The following PGGT1B variants were observed in gnomAD, a reference collection of about 807,000 sequenced individuals.
The protein encoded by PGGT1B is geranylgeranyl transferase type-1 subunit beta.
A neutral mutation model predicts 46.1 loss-of-function variants in PGGT1B; 30 were observed. That is an observed-to-expected ratio of 0.65 (90% CI 0.49 to 0.88). The LOEUF (loss-of-function observed/expected upper bound fraction) is 0.88, where lower values mean the gene tolerates loss of function less well. Among genes scored for constraint, PGGT1B ranks in the 40% least tolerant of loss-of-function variants. The pLI is 0.00. For missense variants in PGGT1B, 376 were observed against 455.9 expected, an observed-to-expected ratio of 0.82 and a Z score of 1.60; for synonymous variants, 170 against 160.0, an observed-to-expected ratio of 1.06 and a Z score of -0.47.
chr5:115,219,462 G>T (rs1048969339), intron 7 of PGGT1B, among the ~76,000 whole-genome samples: 12 of 151,716 alleles, frequency 7.9e-5, no homozygotes, highest in African/African-American at 2.9e-4. Flanking sequence ...ATTGATGAAA[G>T]GCCCAACATT....
At chr5:115,232,557 T>C (rs1360456366) in intron 5 of PGGT1B, among the ~76,000 whole-genome samples, 1 of 152,110 alleles carries the variant, frequency 6.6e-6, no homozygotes, top group Non-Finnish European at 1.5e-5. Flanking sequence ...TAGTATACTA[T>C]ATACTGATTT....
rs1435329166 is a variant in PGGT1B, at chr5:115,211,446, TATTTA to T, written c.*951_*955del. The T allele has an allele frequency of 6.6e-6, 1 of 151,994 alleles. No homozygotes were observed. Among genetic ancestry groups the T allele is most frequent in the East Asian group, 1.9e-4 (1 of 5,202 alleles). 9.4% of individuals were successfully genotyped at this position (151,994 alleles called of 1,614,324 possible). A position where few individuals can be genotyped will look rare whatever the true frequency, so the allele number is the denominator to read the frequency against. On this transcript the variant is annotated 3_prime_UTR_variant, in exon 9 of 9. Coordinates refer to ENST00000419445, the MANE Select transcript of PGGT1B (RefSeq NM_005023.4). Reference sequence around the variant, plus strand: ...TGGTTCTGTTTTTGTATTTTTTACTTATTTAATTTGAAAAAAATTAGAAAAGTATT... The same window carrying T: ...TGGTTCTGTTTTTGTATTTTTTACTTATTTGAAAAAAATTAGAAAAGTATT...
chr5:115,235,569 G>C (rs755996926), intron 5 of PGGT1B, among the ~76,000 whole-genome samples: 1 of 152,046 alleles, frequency 6.6e-6, no homozygotes, highest in Non-Finnish European at 1.5e-5. Flanking sequence ...TCCAAATACA[G>C]TGCACTGAGA....
chr5:115,208,160 T>C lies in PGGT1B; in HGVS notation c.*4242A>G, dbSNP rs1346471119. ...TTTATTAATATTCATGAGATTGCTC[T>C]ATATTTTCTTTTTGGTACCATCTTT... On this transcript the variant is annotated 3_prime_UTR_variant, in exon 9 of 9. Transcript: ENST00000419445. 1 of 152,086 alleles carries C rather than the reference T, an allele frequency of 6.6e-6. No individual in the cohort carries two copies. 9.4% of individuals were successfully genotyped at this position (152,086 alleles called of 1,614,324 possible). A position where few individuals can be genotyped will look rare whatever the true frequency, so the allele number is the denominator to read the frequency against.
chr5:115,218,213 G>T (rs1256825517), intron 7 of PGGT1B, among the ~76,000 whole-genome samples: 1 of 151,582 alleles, frequency 6.6e-6, no homozygotes, highest in African/African-American at 2.4e-5. Context: ...GTGATAAGAA[G>T]TCAGTCTGTG....
intron 7 of PGGT1B, among the ~76,000 whole-genome samples, chr5:115,220,817 T>C (rs1756567342): frequency 6.6e-6 from 1 of 151,932 alleles, no homozygotes. Context: ...TTAGAGATTA[T>C]ATTAAAAAAT....
At chr5:115,221,766 T>C (rs1004973224) in intron 7 of PGGT1B, 58 bp downstream of exon 7, 14 of 1,083,866 alleles carry the variant, frequency 1.3e-5, no homozygotes, top group African/African-American at 8.2e-5. Flanking sequence ...CAAACCTTTT[T>C]AGCACAATCT....
chr5:115,228,367 T>C (rs1756861148), intron 6 of PGGT1B, among the ~76,000 whole-genome samples: 3 of 152,180 alleles, frequency 2.0e-5, no homozygotes, highest in African/African-American at 7.2e-5. Flanking sequence ...GAGGTTTAAG[T>C]GAGAAGAAGC....
rs557619237 is a variant in PGGT1B, at chr5:115,215,935, G to A, written c.952+930C>T. On this transcript the variant is annotated intron_variant, in intron 8 of 8. Transcript: ENST00000419445. ...TTAAATGGATTTTTATAGGGAAGCT[G>A]TATATAGACTCATTTTGCTGGAGGT... 3.3e-5 allele frequency among the ~76,000 whole-genome samples: 5 copies of A among 152,278 alleles called. No homozygotes were observed. In the East Asian group the frequency reaches 7.7e-4, roughly 24 times the overall value.
chr5:115,211,799 ATTAG>A lies in PGGT1B; in HGVS notation c.*599_*602del, dbSNP rs1372292366. On this transcript the variant is annotated 3_prime_UTR_variant, in exon 9 of 9. Coordinates refer to ENST00000419445, the MANE Select transcript of PGGT1B (RefSeq NM_005023.4). ...CAATCTCCTTTTAGAAAACTATCACATTAGTTAAACCTATTTATTCTTACTATGA... is the reference window on the plus strand; with the variant it reads ...CAATCTCCTTTTAGAAAACTATCACATTAAACCTATTTATTCTTACTATGA... 3.3e-5 allele frequency: 5 copies of A among 152,302 alleles called. No homozygotes were observed. The highest frequency in any genetic ancestry group is 5.9e-5 in the Non-Finnish European group (4 of 68,054). 9.4% of individuals were successfully genotyped at this position (152,302 alleles called of 1,614,324 possible). A position where few individuals can be genotyped will look rare whatever the true frequency, so the allele number is the denominator to read the frequency against.
At chr5:115,226,789 G>C (rs1158463164) in intron 6 of PGGT1B, among the ~76,000 whole-genome samples, 1 of 151,906 alleles carries the variant, frequency 6.6e-6, no homozygotes, top group Non-Finnish European at 1.5e-5. Context: ...TGGCATGAAT[G>C]AAGTATTATG....
At chr5:115,259,474 G>T (rs1748458398) in intron 1 of PGGT1B, among the ~76,000 whole-genome samples, 1 of 152,082 alleles carries the variant, frequency 6.6e-6, no homozygotes, top group Non-Finnish European at 1.5e-5. Flanking sequence ...CGGATCACAA[G>T]GCCAAGAGAC....
Position 115,228,457 on chromosome 5 carries a change from G to A in PGGT1B, c.658+2519C>T, listed in dbSNP as rs1339757872. Among the ~76,000 whole-genome samples, 10 of 152,102 alleles carry A rather than the reference G, an allele frequency of 6.6e-5. No homozygotes were observed. The East Asian group carries it at 1.4e-3, about 21-fold the overall frequency. On this transcript the variant is annotated intron_variant, in intron 6 of 8. Coordinates refer to ENST00000419445, the MANE Select transcript of PGGT1B (RefSeq NM_005023.4). ...GGAGAAAGATAAATCTAGAAAGGGG[G>A]TTAGAGAATGGGATGTGTATGTGCA...
rs762385521 is a variant in PGGT1B at position 115,237,841 on chromosome 5, C to A, written c.479+17G>T. On this transcript the variant is annotated intron_variant, in intron 4 of 8. Transcript: ENST00000419445. ...TTTTTGTTTATTACAAAAAAAGTAA[C>A]AAAGAATCACTCATACCTCCCATCT... 1.9e-6 allele frequency: 3 copies of A among 1,594,640 alleles called. No homozygotes were observed. In the South Asian group the frequency reaches 3.4e-5, roughly 18 times the overall value.
chr5:115,256,614 T>A (rs576457017), intron 1 of PGGT1B, among the ~76,000 whole-genome samples: 35 of 152,304 alleles, frequency 2.3e-4, no homozygotes, highest in Admixed American at 1.2e-3. Flanking sequence ...ATAAGTCACT[T>A]TGGGGCAAAT....
At chr5:115,248,278 A>G (rs1747940055) in intron 2 of PGGT1B, among the ~76,000 whole-genome samples, 1 of 152,200 alleles carries the variant, frequency 6.6e-6, no homozygotes, top group Admixed American at 6.5e-5. Flanking sequence ...CAGAGCACCT[A>G]TTGCACTGAA....
intron 2 of PGGT1B, among the ~76,000 whole-genome samples, chr5:115,248,721 C>T (rs557904233): frequency 3.3e-5 from 5 of 152,224 alleles, no homozygotes; most frequent in African/African-American, 9.6e-5. Context: ...AGTAAAACAA[C>T]ATTGAAACCT....
intron 6 of PGGT1B, among the ~76,000 whole-genome samples, chr5:115,229,088 G>A (rs756093486): frequency 6.6e-6 from 1 of 152,172 alleles, no homozygotes; most frequent in Non-Finnish European, 1.5e-5. Flanking sequence ...TGCTAGTATA[G>A]ATGGTGATGA....
intron 1 of PGGT1B, among the ~76,000 whole-genome samples, chr5:115,257,965 A>T (rs78243918): frequency 0.017 from 2,575 of 152,336 alleles, 72 homozygotes; most frequent in African/African-American, 0.058. Context: ...GACTGCATGA[A>T]TTCTGGAATT....
Sources: gnomAD v4.1 joint callset for allele counts (sites outside exome capture counted in the v4.1 genomes callset) on GRCh38, gnomAD v4.1.1 for gene constraint, MANE v1.5 for transcripts, NCBI Gene and HGNC (gene_info 2026-07-23, HGNC 2026-07-21) for gene names.